Variants in SP4 observed in about 807,000 individuals in gnomAD.
The protein encoded by SP4 is transcription factor Sp4.
SP4 carries 19 observed loss-of-function variants against 72.8 expected under a neutral mutation model. The ratio of observed to expected loss-of-function variants is 0.26; its 90% CI spans 0.18 to 0.38. SP4 has a LOEUF of 0.38. Among genes scored for constraint, SP4 ranks in the 10% least tolerant of loss-of-function variants. The probability of loss-of-function intolerance (pLI) is 1.00; values close to 1 mark genes in which losing one functional copy is unlikely to be tolerated. For missense variants in SP4, 1,008 were observed against 926.3 expected (o/e 1.09, Z -1.14); for synonymous variants, 395 against 333.1 (o/e 1.19, Z -2.02).
intron 5 of SP4, among the ~76,000 whole-genome samples, chr7:21,509,600 C>T (rs1366937431): frequency 1.3e-5 from 2 of 151,554 alleles, no homozygotes; most frequent in African/African-American, 4.9e-5. Flanking sequence ...GTGCAGTGCT[C>T]CTGTAAGTTT....
chr7:21,438,625 A>G (rs549261593), intron 3 of SP4, among the ~76,000 whole-genome samples: 5 of 152,302 alleles, frequency 3.3e-5, no homozygotes, highest in Admixed American at 6.5e-5. Context: ...ATCTCGGTAT[A>G]GTAGTCTCCT....
intron 5 of SP4, among the ~76,000 whole-genome samples, chr7:21,504,066 C>CT (rs367567252): frequency 9.4e-4 from 143 of 152,262 alleles, no homozygotes; most frequent in African/African-American, 3.3e-3. Context: ...TTAATACTAG[C>CT]TTAGGGATGT....
intron 3 of SP4, among the ~76,000 whole-genome samples, chr7:21,473,075 C>T (rs1784398086): frequency 6.6e-6 from 1 of 152,148 alleles, no homozygotes; most frequent in African/African-American, 2.4e-5. Flanking sequence ...GTGAGATGAT[C>T]AGAACACTAC....
At chr7:21,489,843 C>T (rs1171089283) in intron 5 of SP4, among the ~76,000 whole-genome samples, 1 of 152,010 alleles carries the variant, frequency 6.6e-6, no homozygotes, top group Non-Finnish European at 1.5e-5. Context: ...CAGGCGTGAG[C>T]CACTGTGCCC....
rs774331455 is a variant in SP4, at chr7:21,477,319, A to G, written c.1907+12A>G. ...GAAGGAGAAGGAAGGTAAATGCTGT[A>G]TTTTTCAACTGTGTCTATTTGGAAG... On this transcript the variant is annotated intron_variant, in intron 4 of 5. Coordinates refer to ENST00000222584, the MANE Select transcript of SP4 (RefSeq NM_003112.5). The G allele has an allele frequency of 1.3e-6, 2 of 1,564,828 alleles. No homozygotes were observed. Among genetic ancestry groups the G allele is most frequent in the Non-Finnish European group, 1.8e-6 (2 of 1,137,502 alleles).
At chr7:21,494,375 A>T (rs1479456187) in intron 5 of SP4, among the ~76,000 whole-genome samples, 1 of 152,186 alleles carries the variant, frequency 6.6e-6, no homozygotes, top group Non-Finnish European at 1.5e-5. Flanking sequence ...GGTTGTCTGT[A>T]TAGCAAATCC....
At chr7:21,487,348 TTCTCTGTCTCTCTC>T (rs1434095188) in intron 5 of SP4, among the ~76,000 whole-genome samples, 3 of 151,730 alleles carry the variant, frequency 2.0e-5, no homozygotes, top group African/African-American at 2.4e-5. Context: ...CTCTCTCTCT[TTCTCTGTCTCTCTC>T]TCTCTGTCTC....
Position 21,461,760 on chromosome 7 carries a change from C to T in SP4, c.1679-15319C>T, listed in dbSNP as rs945397194. 5.3e-5 allele frequency among the ~76,000 whole-genome samples: 8 copies of T among 152,234 alleles called. No homozygotes were observed. The East Asian group carries it at 5.8e-4, about 11-fold the overall frequency. On this transcript the variant is annotated intron_variant, in intron 3 of 5. Coordinates refer to ENST00000222584, the MANE Select transcript of SP4 (RefSeq NM_003112.5). The stretch of plus-strand genomic sequence containing the variant: ...ATGGGCGCCGAGGCCGAGGAGGCAC[C>T]GAGAGTGAGCCAGGGCTGCCAGCAC...
chr7:21,483,066 A>G (rs1318657645), intron 5 of SP4, among the ~76,000 whole-genome samples: 1 of 152,124 alleles, frequency 6.6e-6, no homozygotes, highest in African/African-American at 2.4e-5. Context: ...CTATTTAACT[A>G]GCAGTGATTG....
chr7:21,472,108 A>G (rs924990754), intron 3 of SP4, among the ~76,000 whole-genome samples: 3 of 152,168 alleles, frequency 2.0e-5, no homozygotes, highest in African/African-American at 7.2e-5. Context: ...AGTTGATAGT[A>G]AGAGTATGAC....
intron 3 of SP4, among the ~76,000 whole-genome samples, chr7:21,470,530 TTA>T (rs1258551415): frequency 2.0e-5 from 3 of 152,176 alleles, no homozygotes; most frequent in African/African-American, 7.2e-5. Context: ...CCTTTTTCCT[TTA>T]CCAGCTAAAC....
chr7:21,450,727 A>C (rs1783565090), intron 3 of SP4, among the ~76,000 whole-genome samples: 1 of 152,216 alleles, frequency 6.6e-6, no homozygotes, highest in South Asian at 2.1e-4. Flanking sequence ...TTCATATACT[A>C]CATACTAGCT....
At chr7:21,492,361 A>G (rs1583440406) in intron 5 of SP4, among the ~76,000 whole-genome samples, 1 of 152,250 alleles carries the variant, frequency 6.6e-6, no homozygotes, top group Non-Finnish European at 1.5e-5. Flanking sequence ...CAACATTCAA[A>G]TATAGGTTGA....
intron 5 of SP4, among the ~76,000 whole-genome samples, chr7:21,497,297 C>T (rs897821588): frequency 3.8e-5 from 1 of 26,358 alleles, no homozygotes; most frequent in Non-Finnish European, 1.3e-4. Flanking sequence ...TAGTGGCTGC[C>T]AGATGGTGCC....
chr7:21,457,913 C>T (rs1783819753), intron 3 of SP4, among the ~76,000 whole-genome samples: 1 of 151,974 alleles, frequency 6.6e-6, no homozygotes, highest in South Asian at 2.1e-4. Flanking sequence ...TAATGAAATA[C>T]AATTAATGTA....
intron 5 of SP4, among the ~76,000 whole-genome samples, chr7:21,505,815 TC>T (rs1781981337): frequency 6.6e-6 from 1 of 152,198 alleles, no homozygotes; most frequent in South Asian, 2.1e-4. Context: ...TAATTGTCCA[TC>T]GTTAATCAAT....
At chr7:21,435,896 T>TA (rs1177212739) in intron 3 of SP4, among the ~76,000 whole-genome samples, 1 of 150,410 alleles carries the variant, frequency 6.6e-6, no homozygotes. Flanking sequence ...CAAAGGAAAA[T>TA]AGAGTTTTTT....
At chr7:21,444,529 TCTAAACGTACTTGTA>T (rs1288126614) in intron 3 of SP4, among the ~76,000 whole-genome samples, 2 of 152,044 alleles carry the variant, frequency 1.3e-5, no homozygotes, top group African/African-American at 4.8e-5. Flanking sequence ...GGAACCAGAG[TCTAAACGTACTTGTA>T]CTATTACCAC....
At chr7:21,481,366 G>A (rs1784682037) in intron 4 of SP4, among the ~76,000 whole-genome samples, 1 of 152,122 alleles carries the variant, frequency 6.6e-6, no homozygotes, top group Non-Finnish European at 1.5e-5. Context: ...GGAGAGTCTT[G>A]GTTCAAATAC....
Sources: gnomAD v4.1 joint callset for allele counts (sites outside exome capture counted in the v4.1 genomes callset) on GRCh38, gnomAD v4.1.1 for gene constraint, MANE v1.5 for transcripts, NCBI Gene and HGNC (gene_info 2026-07-23, HGNC 2026-07-21) for gene names.